Variants in EWSR1 observed in about 807,000 individuals in gnomAD.
EWSR1 encodes the protein EWS RNA binding protein 1.
EWSR1 carries 14 observed loss-of-function variants against 92.1 expected under a neutral mutation model. The ratio of observed to expected loss-of-function variants is 0.15; its 90% CI spans 0.10 to 0.24. The LOEUF (loss-of-function observed/expected upper bound fraction) is 0.24, where lower values mean the gene tolerates loss of function less well. Ranked by LOEUF, EWSR1 falls within the 10% of genes least tolerant of loss-of-function variation. The pLI is 1.00. For synonymous variants in EWSR1, 303 were observed against 292.9 expected (o/e 1.03, Z -0.35); for missense variants, 637 against 870.9 (o/e 0.73, Z 3.38).
At chr22:29,276,543 TTTAAGGCCCTAAATC>T (rs2059138457) in intron 4 of EWSR1, 1 of 225,410 alleles carries the variant, frequency 4.4e-6, no homozygotes, top group African/African-American at 2.2e-5. Context: ...ATGAGGACAC[TTTAAGGCCCTAAATC>T]TTAACTAAAA....
intron 6 of EWSR1, 92 bp from the exon 7 acceptor site, chr22:29,286,831 C>T: frequency 1.1e-6 from 1 of 885,488 alleles, no homozygotes; most frequent in South Asian, 1.6e-5. Context: ...GTCTGTGTCA[C>T]ATGGTGTGAA....
intron 4 of EWSR1, chr22:29,277,264 G>C (rs959552220): frequency 1.9e-4 from 44 of 226,944 alleles, no homozygotes; most frequent in African/African-American, 9.1e-4. Context: ...TTTTGCTTGT[G>C]GTAGGTAAGT....
intron 5 of EWSR1, among the ~76,000 whole-genome samples, chr22:29,281,119 T>C (rs1193004396): frequency 6.6e-6 from 1 of 152,022 alleles, no homozygotes; most frequent in Non-Finnish European, 1.5e-5. Flanking sequence ...GACCTCGTGA[T>C]CCTCCTGTCT....
intron 6 of EWSR1, 142 bp downstream of exon 6, chr22:29,282,699 A>G (rs1410323209): frequency 3.4e-6 from 2 of 584,292 alleles, no homozygotes; most frequent in East Asian, 3.4e-5. Flanking sequence ...ACTTGGTTAC[A>G]TTAAAGCCTG....
intron 5 of EWSR1, among the ~76,000 whole-genome samples, chr22:29,281,518 TG>T (rs1360346379): frequency 1.3e-5 from 2 of 151,916 alleles, no homozygotes; most frequent in Non-Finnish European, 2.9e-5. Flanking sequence ...ATTACCAGGC[TG>T]GTCTGAAACT....
At position 29,297,944 on chromosome 22, in the gene EWSR1, G is replaced by A. The variant is rs751377720; in HGVS notation, c.1412G>A (p.Arg471His). 3.1e-5 allele frequency: 50 copies of A among 1,611,800 alleles called. No individual in the cohort carries two copies. The South Asian group carries it at 3.5e-4, about 11-fold the overall frequency. Residue 471 changes from arginine to histidine, a missense_variant, in exon 13 of 17, where the codon CGT (arginine) becomes CAT (histidine). By Grantham distance (29) the Arg-to-His change is conservative. Around this residue, in one of 5 missense-constraint regions of EWSR1, gnomAD observed 363 missense variants for 447.8 expected, o/e 0.81. Transcript: ENST00000397938. ...GGCAGAGGCATGCCACCACCACTCC[G>A]TGGAGGTACTTTTTCTGAGCTCCTA... ...REGRGMPPPL[R>H]GGPGGPGGPG...
At chr22:29,292,917 A>C (rs1300540515) in intron 11 of EWSR1, among the ~76,000 whole-genome samples, 2 of 151,168 alleles carry the variant, frequency 1.3e-5, no homozygotes, top group Non-Finnish European at 3.0e-5. Context: ...CCACCAGCTA[A>C]TTGTGTCTTT....
chr22:29,298,063 A>G (rs2061006591), intron 13 of EWSR1, 114 bp downstream of exon 13: 2 of 1,156,424 alleles, frequency 1.7e-6, no homozygotes, highest in Admixed American at 4.8e-5. Context: ...AGTCAATACT[A>G]GACTATCGAG....
chr22:29,290,172 T>C (rs2060343417), intron 8 of EWSR1: 4 of 388,712 alleles, frequency 1.0e-5, no homozygotes, highest in Non-Finnish European at 1.9e-5. Context: ...GACCATGGCT[T>C]TCCCCATAGG....
At chr22:29,290,659 T>G (rs1265851324) in intron 8 of EWSR1, 3 of 1,391,004 alleles carry the variant, frequency 2.2e-6, no homozygotes, top group Middle Eastern at 5.4e-4. Flanking sequence ...TTGTGTAACA[T>G]TAAAGTGTAA....
chr22:29,299,632 T>C lies in EWSR1; in HGVS notation c.1712T>C (p.Met571Thr). 6.2e-7 allele frequency: 1 copy of C among 1,607,164 alleles called. No individual in the cohort carries two copies. The highest frequency in any genetic ancestry group is 8.5e-7 in the Non-Finnish European group (1 of 1,176,444). ...GDRGRGGPGG[M>T]RGGRGGLMDR... ...CGTGGCAGAGGTGGCCCTGGTGGCA[T>C]GCGGGGAGGAAGAGGTGGCCTCATG... Residue 571 changes from methionine (M) to threonine (T), a missense_variant, in exon 16 of 17, where the codon ATG becomes ACG. Around this residue, in one of 5 missense-constraint regions of EWSR1, gnomAD observed 363 missense variants for 447.8 expected, o/e 0.81. Coordinates refer to ENST00000397938, the MANE Select transcript of EWSR1 (RefSeq NM_005243.4).
At position 29,268,466 on chromosome 22, in the gene EWSR1, C is replaced by T; in HGVS notation, c.13+117C>T. ...TGGAGTTGCCGAGAGGGGGTTGAGG[C>T]ACCCGCCGCGGCCCGACGAGCTCGG... On this transcript the variant is annotated intron_variant, in intron 1 of 16. Transcript: ENST00000397938. The T allele has an allele frequency of 3.8e-6, 6 of 1,570,898 alleles. No individual in the cohort carries two copies. In the Admixed American group the frequency reaches 8.4e-5, roughly 22 times the overall value.
intron 7 of EWSR1, 56 bp downstream of exon 7, chr22:29,287,190 T>C: frequency 6.5e-7 from 1 of 1,533,462 alleles, no homozygotes; most frequent in Non-Finnish European, 8.9e-7. Context: ...AGTTTTTTTG[T>C]GGGGTTGATT....
At chr22:29,275,088 A>G (rs555425337) in intron 4 of EWSR1, among the ~76,000 whole-genome samples, 5 of 152,192 alleles carry the variant, frequency 3.3e-5, no homozygotes, top group African/African-American at 7.2e-5. Context: ...GTGTTTCTCA[A>G]ATAGGATGGG....
Position 29,272,204 on chromosome 22 carries a change from G to C in EWSR1, c.14-12G>C, listed in dbSNP as rs371367792. 148 of 1,612,600 alleles carry C rather than the reference G, an allele frequency of 9.2e-5. No homozygotes were observed. The highest frequency in any genetic ancestry group is 1.2e-4 in the Non-Finnish European group (144 of 1,179,130). ...TAACTTTACACTATTTTTCCTCCTT[G>C]TTTTCCTCTAGATTACAGTACCTAT... On this transcript the variant is annotated splice_polypyrimidine_tract_variant and intron_variant, in intron 1 of 16. Transcript: ENST00000397938.
chr22:29,280,873 T>TG (rs2059534450), intron 5 of EWSR1, among the ~76,000 whole-genome samples: 2 of 56,474 alleles, frequency 3.5e-5, no homozygotes, highest in Non-Finnish European at 7.2e-5. Context: ...TTTTTTTTTT[T>TG]TTTTTTTTTT....
At chr22:29,289,438 TC>T in intron 8 of EWSR1, 1 of 232,088 alleles carries the variant, frequency 4.3e-6, no homozygotes, top group Non-Finnish European at 8.5e-6. Context: ...GATGGCACAA[TC>T]TGGTTTAGAA....
chr22:29,272,209 C>G lies in EWSR1; in HGVS notation c.14-7C>G, dbSNP rs768331633. 5.4e-5 allele frequency: 87 copies of G among 1,613,482 alleles called. No individual in the cohort carries two copies. The highest frequency in any genetic ancestry group is 1.2e-4 in the Admixed American group (7 of 59,984). On this transcript the variant is annotated splice_region_variant and splice_polypyrimidine_tract_variant and intron_variant, in intron 1 of 16. Coordinates refer to ENST00000397938, the MANE Select transcript of EWSR1 (RefSeq NM_005243.4). Reference sequence around the variant, plus strand: ...TTACACTATTTTTCCTCCTTGTTTTCCTCTAGATTACAGTACCTATAGCCA... The same window carrying G: ...TTACACTATTTTTCCTCCTTGTTTTGCTCTAGATTACAGTACCTATAGCCA...
At position 29,288,738 on chromosome 22, in the gene EWSR1, G is replaced by T; in HGVS notation, c.926G>T (p.Arg309Leu). The change falls in exon 8 of 17, where the codon CGT (arginine) becomes CTT (leucine). Residue 309 changes from arginine to leucine, a missense_variant. Arg to Leu is a moderately radical substitution (Grantham distance 102). This residue lies in a region of EWSR1 where 116 missense variants were observed against 167.8 expected (regional missense o/e 0.69). Coordinates refer to ENST00000397938, the MANE Select transcript of EWSR1 (RefSeq NM_005243.4). Reference sequence around the variant, plus strand: ...GGCAGGGGAAGAGGGGGATTTGATCGTGGAGGCATGAGCAGAGGTGGGCGG... The same window carrying T: ...GGCAGGGGAAGAGGGGGATTTGATCTTGGAGGCATGAGCAGAGGTGGGCGG... Reference protein sequence around the residue: ...NRGRGRGGFDRGGMSRGGRGG... With the variant: ...NRGRGRGGFDLGGMSRGGRGG... The T allele has an allele frequency of 6.2e-7, 1 of 1,613,780 alleles. No individual in the cohort carries two copies. Among genetic ancestry groups the T allele is most frequent in the Non-Finnish European group, 8.5e-7 (1 of 1,179,786 alleles).
Sources: allele counts gnomAD v4.1 joint callset (sites outside exome capture counted in the v4.1 genomes callset), GRCh38; gene constraint gnomAD v4.1.1; regional missense constraint gnomAD v4.1.1; transcripts MANE v1.5; gene names NCBI Gene and HGNC (gene_info 2026-07-23, HGNC 2026-07-21).